RTN1: variants seen among roughly 807,000 people sequenced by gnomAD.
The protein encoded by RTN1 is reticulon-1.
Under a neutral mutation model 65.5 loss-of-function variants are expected in RTN1, and 25 were observed. That is an observed-to-expected ratio of 0.38 (90% confidence interval 0.28 to 0.53). The LOEUF (loss-of-function observed/expected upper bound fraction) is 0.53, where lower values mean the gene tolerates loss of function less well. RTN1 is among the 20% of genes least tolerant of loss of function. The probability of loss-of-function intolerance (pLI) is 0.79; values close to 1 mark genes in which losing one functional copy is unlikely to be tolerated. For missense variants in RTN1, 983 were observed against 1,025.4 expected (o/e 0.96, Z 0.57); for synonymous variants, 471 against 447.6 (o/e 1.05, Z -0.66).
chr14:59,741,210 C>T (rs958551124), intron 2 of RTN1, among the ~76,000 whole-genome samples: 2 of 152,178 alleles, frequency 1.3e-5, no homozygotes, highest in African/African-American at 2.4e-5. Context: ...CTGGAACAGA[C>T]AAGGCATTCC....
chr14:59,598,075 TA>T (rs201536916), intron 8 of RTN1, among the ~76,000 whole-genome samples: 7 of 149,346 alleles, frequency 4.7e-5, no homozygotes, highest in Admixed American at 1.3e-4. Context: ...GGTGGCTGTG[TA>T]AAAAAAAAAT....
Position 59,746,380 on chromosome 14 carries a change from G to C in RTN1, c.343C>G (p.Pro115Ala), listed in dbSNP as rs1304630841. 1 of 1,614,062 alleles carries C rather than the reference G, an allele frequency of 6.2e-7. No individual in the cohort carries two copies. Among genetic ancestry groups the C allele is most frequent in the Admixed American group, 1.7e-5 (1 of 60,014 alleles). Residue 115 changes from proline to alanine, a missense_variant, in exon 2 of 9, where the codon CCA becomes GCA. Pro to Ala is a conservative substitution (Grantham distance 27, BLOSUM62 -1). This residue lies in a region of RTN1 where 818 missense variants were observed against 801.8 expected (regional missense o/e 1.02). Coordinates refer to ENST00000267484, the MANE Select transcript of RTN1 (RefSeq NM_021136.3). ...AAATATGTAGAATCCTCCTGAGGTGGATAGCAGATGTCAGAAATGAGAGAT... is the reference window on the plus strand; with the variant it reads ...AAATATGTAGAATCCTCCTGAGGTGCATAGCAGATGTCAGAAATGAGAGAT... Reference protein sequence around the residue: ...YTSLISDICYPPQEDSTYFTG... With the variant: ...YTSLISDICYAPQEDSTYFTG...
At chr14:59,730,652 C>G (rs1216761046) in intron 2 of RTN1, among the ~76,000 whole-genome samples, 1 of 152,046 alleles carries the variant, frequency 6.6e-6, no homozygotes, top group Admixed American at 6.6e-5. Flanking sequence ...TATTACGACT[C>G]AATAATAAAA....
At chr14:59,840,608 T>C (rs898714978) in intron 1 of RTN1, among the ~76,000 whole-genome samples, 2 of 152,232 alleles carry the variant, frequency 1.3e-5, no homozygotes, top group African/African-American at 2.4e-5. Context: ...ATATCTTATA[T>C]CACTTCAGAC....
intron 3 of RTN1, among the ~76,000 whole-genome samples, chr14:59,629,400 T>C (rs1882484217): frequency 6.6e-6 from 1 of 152,200 alleles, no homozygotes; most frequent in Non-Finnish European, 1.5e-5. Context: ...TCCTGTGATA[T>C]AGAATTACAA....
In RTN1 at chr14:59,846,391, T is replaced by C. The variant is rs1268124391; in HGVS notation, c.241+23999A>G. Among the ~76,000 whole-genome samples the C allele has an allele frequency of 6.6e-6, 1 of 152,098 alleles. No homozygotes were observed. Among genetic ancestry groups the C allele is most frequent in the Non-Finnish European group, 1.5e-5 (1 of 68,014 alleles). On this transcript the variant is annotated intron_variant, in intron 1 of 8. Coordinates refer to ENST00000267484, the MANE Select transcript of RTN1 (RefSeq NM_021136.3). The surrounding 1 kb of genome is among the most constrained non-coding windows in gnomAD (Gnocchi z 4.8). Reference sequence around the variant, plus strand: ...CCCATATCTGTGCAGCCACAGCCCATGGATCAGAGTTGATGTATGCACACG... The same window carrying C: ...CCCATATCTGTGCAGCCACAGCCCACGGATCAGAGTTGATGTATGCACACG...
At chr14:59,739,949 G>A (rs1432458329) in intron 2 of RTN1, among the ~76,000 whole-genome samples, 1 of 152,156 alleles carries the variant, frequency 6.6e-6, no homozygotes, top group Non-Finnish European at 1.5e-5. Context: ...ATATTCCTGG[G>A]AGGCCACATG....
intron 1 of RTN1, among the ~76,000 whole-genome samples, chr14:59,854,370 C>T (rs1033026119): frequency 5.3e-5 from 8 of 151,974 alleles, no homozygotes; most frequent in South Asian, 2.1e-4. Context: ...TGGCCAGGCG[C>T]GGTGGCTCAC....
intron 3 of RTN1, among the ~76,000 whole-genome samples, chr14:59,608,052 C>A (rs1881822529): frequency 6.6e-6 from 1 of 151,926 alleles, no homozygotes; most frequent in Non-Finnish European, 1.5e-5. Flanking sequence ...CAGTTATTAC[C>A]CTCCTTCAAC....
intron 1 of RTN1, among the ~76,000 whole-genome samples, chr14:59,814,292 T>C (rs1454531822): frequency 2.0e-5 from 3 of 152,200 alleles, no homozygotes. Flanking sequence ...TTACTGGATT[T>C]ATATCACGGC....
At chr14:59,799,200 G>C (rs1323941585) in intron 1 of RTN1, among the ~76,000 whole-genome samples, 1 of 152,140 alleles carries the variant, frequency 6.6e-6, no homozygotes, top group East Asian at 1.9e-4. Flanking sequence ...TCAGAAAAAA[G>C]GCTAAGGATA....
chr14:59,637,596 C>T (rs992307869), intron 3 of RTN1, among the ~76,000 whole-genome samples: 8 of 151,636 alleles, frequency 5.3e-5, no homozygotes, highest in Admixed American at 4.6e-4. Flanking sequence ...CCTGTAGTCC[C>T]AGCTACTCAG....
At chr14:59,745,686 C>A (rs753507135) in intron 2 of RTN1, 22 bp downstream of exon 2, 6 of 1,539,068 alleles carry the variant, frequency 3.9e-6, no homozygotes, top group Non-Finnish European at 5.2e-6. Flanking sequence ...TTTCCTAAGT[C>A]AAGCAATAAC....
At chr14:59,845,732 G>A (rs1287195071) in intron 1 of RTN1, among the ~76,000 whole-genome samples, 1 of 152,048 alleles carries the variant, frequency 6.6e-6, no homozygotes, top group Non-Finnish European at 1.5e-5. Context: ...ACTACTACTT[G>A]TCCATATCTG....
intron 3 of RTN1, among the ~76,000 whole-genome samples, chr14:59,672,774 G>A (rs1380094147): frequency 6.7e-6 from 1 of 150,228 alleles, no homozygotes; most frequent in Non-Finnish European, 1.5e-5. Context: ...CCGAGTAGCT[G>A]GGACTACAGG....
At chr14:59,819,907 G>A (rs2139626322) in intron 1 of RTN1, among the ~76,000 whole-genome samples, 2 of 152,270 alleles carry the variant, frequency 1.3e-5, no homozygotes, top group Middle Eastern at 3.4e-3. Flanking sequence ...CTCAGCCCTG[G>A]TTCCCGCCTG....
intron 3 of RTN1, among the ~76,000 whole-genome samples, chr14:59,726,351 G>A (rs1884759070): frequency 6.6e-6 from 1 of 152,162 alleles, no homozygotes; most frequent in East Asian, 1.9e-4. Flanking sequence ...AGAAAACTCT[G>A]GACCCAACTG....
chr14:59,624,319 T>C (rs768456169), intron 3 of RTN1, among the ~76,000 whole-genome samples: 2 of 152,196 alleles, frequency 1.3e-5, no homozygotes, highest in Non-Finnish European at 2.9e-5. Flanking sequence ...ATTTTAATTA[T>C]CAAGATTTAA....
chr14:59,667,664 C>G (rs985378704), intron 3 of RTN1, among the ~76,000 whole-genome samples: 1 of 152,074 alleles, frequency 6.6e-6, no homozygotes, highest in Non-Finnish European at 1.5e-5. Flanking sequence ...ATGAGGAAGT[C>G]GAATTGTCCC....
Sources: gnomAD v4.1 joint callset for allele counts (sites outside exome capture counted in the v4.1 genomes callset) on GRCh38, gnomAD v4.1.1 for gene constraint, gnomAD v4.1.1 regional missense constraint, Gnocchi (gnomAD v3.1) non-coding constraint, MANE v1.5 for transcripts, NCBI Gene and HGNC (gene_info 2026-07-23, HGNC 2026-07-21) for gene names.